Variants in KLF13 observed in about 807,000 individuals in gnomAD.
The protein encoded by KLF13 is KLF transcription factor 13.
Under a neutral mutation model 16.7 loss-of-function variants are expected in KLF13, and 8 were observed. The ratio of observed to expected loss-of-function variants is 0.48; its 90% CI spans 0.28 to 0.87. KLF13 has a LOEUF of 0.87. Among genes scored for constraint, KLF13 ranks in the 40% least tolerant of loss-of-function variants. The probability of loss-of-function intolerance (pLI) is 0.10; values close to 1 mark genes in which losing one functional copy is unlikely to be tolerated. For missense variants in KLF13, 447 were observed against 452.2 expected (o/e 0.99, Z 0.10); for synonymous variants, 245 against 208.4 (o/e 1.18, Z -1.51).
chr15:31,427,145 C>T (rs908525528), intron 1 of KLF13, among the ~76,000 whole-genome samples: 2 of 152,146 alleles, frequency 1.3e-5, no homozygotes. Flanking sequence ...TTCTCACTCT[C>T]CATAATCATG....
At chr15:31,422,220 C>A (rs1431701154) in intron 1 of KLF13, among the ~76,000 whole-genome samples, 1 of 151,782 alleles carries the variant, frequency 6.6e-6, no homozygotes, top group Admixed American at 6.6e-5. Context: ...TACAAAGATA[C>A]ATATAGGCTG....
intron 1 of KLF13, among the ~76,000 whole-genome samples, chr15:31,346,320 G>T (rs560817797): frequency 6.6e-6 from 1 of 152,320 alleles, no homozygotes; most frequent in Non-Finnish European, 1.5e-5. Context: ...CTTTGCCCTG[G>T]CCACAGGCCT....
chr15:31,356,077 T>C (rs1050256036), intron 1 of KLF13, among the ~76,000 whole-genome samples: 22 of 152,164 alleles, frequency 1.4e-4, no homozygotes, highest in African/African-American at 5.1e-4. Context: ...TGCAGGTTTG[T>C]TACATGGGTA....
intron 2 of KLF13, among the ~76,000 whole-genome samples, chr15:31,400,577 AC>A (rs939695515): frequency 9.9e-5 from 15 of 152,180 alleles, no homozygotes; most frequent in Non-Finnish European, 1.9e-4. Flanking sequence ...CTGGAGCAGA[AC>A]AGGGAGGTCA....
intron 1 of KLF13, among the ~76,000 whole-genome samples, chr15:31,424,869 G>C (rs770733883): frequency 4.5e-5 from 2 of 44,494 alleles, no homozygotes; most frequent in Non-Finnish European, 8.5e-5. Flanking sequence ...GAAAATTCTA[G>C]AGATTTCACA....
intron 2 of KLF13, among the ~76,000 whole-genome samples, chr15:31,397,711 CATT>C (rs755405139): frequency 1.6e-4 from 25 of 152,168 alleles, no homozygotes; most frequent in African/African-American, 2.9e-4. Flanking sequence ...GATTTTGTAA[CATT>C]ATTATTATTA....
chr15:31,332,902 G>C (rs557874743), intron 1 of KLF13, among the ~76,000 whole-genome samples: 1 of 152,318 alleles, frequency 6.6e-6, no homozygotes, highest in Non-Finnish European at 1.5e-5. Flanking sequence ...GCCATTTGTG[G>C]AGAGGCACAT....
chr15:31,396,072 C>G (rs1291942363), intron 2 of KLF13, among the ~76,000 whole-genome samples: 2 of 152,178 alleles, frequency 1.3e-5, no homozygotes, highest in Non-Finnish European at 2.9e-5. Context: ...GTTTCCCATG[C>G]TGGAGTGCAA....
chr15:31,426,396 T>G (rs2040402165), intron 1 of KLF13, among the ~76,000 whole-genome samples: 1 of 152,248 alleles, frequency 6.6e-6, no homozygotes, highest in South Asian at 2.1e-4. Flanking sequence ...GACATTGGAC[T>G]TGGCAATACT....
At chr15:31,422,494 C>A (rs574945971) in intron 1 of KLF13, among the ~76,000 whole-genome samples, 2 of 130,904 alleles carry the variant, frequency 1.5e-5, no homozygotes, top group Admixed American at 8.1e-5. Context: ...ATGGGGGAAA[C>A]CATCCCCATG....
Position 31,327,460 on chromosome 15 carries a change from G to A in KLF13, c.248G>A (p.Arg83His). 1 of 1,220,802 alleles carries A rather than the reference G, an allele frequency of 8.2e-7. No homozygotes were observed. The highest frequency in any genetic ancestry group is 1.0e-6 in the Non-Finnish European group (1 of 980,906). The allele number at this position is 1,220,802 out of a possible 1,614,324, so 75.6% of individuals were successfully genotyped here. ...GCGCCGGCGCCCGCCCCGGCGGAGCGCAGGGAGGGCGCCGCGGCCCGGAAG... is the reference window on the plus strand; with the variant it reads ...GCGCCGGCGCCCGCCCCGGCGGAGCACAGGGAGGGCGCCGCGGCCCGGAAG... Reference protein sequence around the residue: ...QQAPAPAPAERREGAAARKAR... With the variant: ...QQAPAPAPAEHREGAAARKAR... The change falls in exon 1 of 2, where the codon CGC becomes CAC. Residue 83 changes from arginine (R) to histidine (H), a missense_variant. By Grantham distance (29) the Arg-to-His change is conservative. This residue lies in a region of KLF13 where 359 missense variants were observed against 282.8 expected (regional missense o/e 1.27). Transcript: ENST00000307145.
At chr15:31,328,678 A>T (rs962149880) in intron 1 of KLF13, among the ~76,000 whole-genome samples, 1 of 152,142 alleles carries the variant, frequency 6.6e-6, no homozygotes, top group Non-Finnish European at 1.5e-5. Context: ...CCGCCAGCCC[A>T]GCGGCAACAG....
At chr15:31,429,938 G>A (rs1176696721) in intron 1 of KLF13, among the ~76,000 whole-genome samples, 1 of 152,076 alleles carries the variant, frequency 6.6e-6, no homozygotes, top group Non-Finnish European at 1.5e-5. Context: ...GTTTCATCAT[G>A]TTAGCCAGGA....
intron 1 of KLF13, among the ~76,000 whole-genome samples, chr15:31,413,203 C>CAAAAAAAAAAAAAAAAA (rs1341640127): frequency 7.7e-6 from 1 of 130,238 alleles, no homozygotes; most frequent in Non-Finnish European, 1.6e-5. Flanking sequence ...AAAAAAAAAA[C>CAAAAAAAAAAAAAAAAA]AAAAAACAAA....
chr15:31,352,528 G>A (rs1027231703), intron 1 of KLF13, among the ~76,000 whole-genome samples: 1 of 152,186 alleles, frequency 6.6e-6, no homozygotes, highest in Non-Finnish European at 1.5e-5. Flanking sequence ...TGAGATTAGC[G>A]TCTGTATGTG....
At chr15:31,408,025 A>G (rs1321826542), downstream of KLF13, among the ~76,000 whole-genome samples, 1 of 152,216 alleles carries the variant, frequency 6.6e-6, no homozygotes, top group Non-Finnish European at 1.5e-5. Flanking sequence ...ATATTAACCA[A>G]TGCAATCATG....
intron 1 of KLF13, chr15:31,420,603 C>A: frequency 2.3e-6 from 1 of 434,396 alleles, no homozygotes; most frequent in Non-Finnish European, 4.3e-6. Context: ...TGGAAAAACC[C>A]TACAGCTTTT....
chr15:31,415,921 G>C (rs893476412), intron 1 of KLF13, among the ~76,000 whole-genome samples: 7 of 151,810 alleles, frequency 4.6e-5, no homozygotes, highest in African/African-American at 1.7e-4. Context: ...GAAATTTTCA[G>C]CTTCTAGGTT....
intron 1 of KLF13, among the ~76,000 whole-genome samples, chr15:31,343,711 C>T (rs1029625568): frequency 5.9e-5 from 9 of 152,188 alleles, no homozygotes; most frequent in African/African-American, 1.9e-4. Context: ...AAGAGCTGGC[C>T]AGCTCTGGCT....
Sources: gnomAD v4.1 joint callset for allele counts (sites outside exome capture counted in the v4.1 genomes callset) on GRCh38, gnomAD v4.1.1 for gene constraint, gnomAD v4.1.1 regional missense constraint, MANE v1.5 for transcripts, NCBI Gene and HGNC (gene_info 2026-07-23, HGNC 2026-07-21) for gene names.